SPATS2L: variants seen among roughly 807,000 people sequenced by gnomAD.
SPATS2L encodes the protein SPATS2-like protein.
SPATS2L carries 30 observed loss-of-function variants against 59.6 expected under a neutral mutation model. That is an observed-to-expected ratio of 0.50 (90% CI 0.38 to 0.68). SPATS2L has a LOEUF of 0.68. SPATS2L is among the 30% of genes least tolerant of loss of function. The pLI is 0.00. For synonymous variants in SPATS2L, 252 were observed against 263.5 expected, an observed-to-expected ratio of 0.96 and a Z score of 0.42; for missense variants, 615 against 700.0, an observed-to-expected ratio of 0.88 and a Z score of 1.37.
At chr2:200,442,397 GGT>G (rs1300254240) in intron 8 of SPATS2L, among the ~76,000 whole-genome samples, 2 of 152,148 alleles carry the variant, frequency 1.3e-5, no homozygotes, top group African/African-American at 4.8e-5. Context: ...ATGGCCTTAA[GGT>G]CTCTATGCAG....
intron 10 of SPATS2L, among the ~76,000 whole-genome samples, chr2:200,468,702 C>T (rs1272127319): frequency 2.6e-5 from 4 of 152,206 alleles, no homozygotes; most frequent in Non-Finnish European, 4.4e-5. Context: ...CCTTCAGCCT[C>T]GTACTCCACT....
chr2:200,361,492 A>G (rs530638684), intron 2 of SPATS2L, among the ~76,000 whole-genome samples: 5 of 152,210 alleles, frequency 3.3e-5, no homozygotes, highest in Admixed American at 3.3e-4. Context: ...AGATTTCAAA[A>G]CCTCCCTCAG....
chr2:200,395,079 A>G (rs1248691010), intron 3 of SPATS2L, among the ~76,000 whole-genome samples: 2 of 152,228 alleles, frequency 1.3e-5, no homozygotes, highest in Non-Finnish European at 2.9e-5. Flanking sequence ...GAAATTGAAT[A>G]CTAGAAATTT....
intron 12 of SPATS2L, among the ~76,000 whole-genome samples, chr2:200,475,688 A>C (rs2087461556): frequency 6.6e-6 from 1 of 152,056 alleles, no homozygotes; most frequent in Non-Finnish European, 1.5e-5. Context: ...TTTTCCTTTA[A>C]CAGATGTATG....
At chr2:200,335,397 A>G (rs997802826) in intron 2 of SPATS2L, among the ~76,000 whole-genome samples, 4 of 151,772 alleles carry the variant, frequency 2.6e-5, no homozygotes, top group African/African-American at 9.7e-5. Flanking sequence ...AAGAAAGAAA[A>G]AAAAAAGAAG....
chr2:200,433,415 A>G (rs946173414), intron 6 of SPATS2L, among the ~76,000 whole-genome samples: 5 of 152,130 alleles, frequency 3.3e-5, no homozygotes, highest in African/African-American at 1.2e-4. Context: ...CTGGACCATA[A>G]AATTAGTTTC....
At chr2:200,379,919 C>T (rs1057390192) in intron 2 of SPATS2L, among the ~76,000 whole-genome samples, 1 of 152,150 alleles carries the variant, frequency 6.6e-6, no homozygotes, top group African/African-American at 2.4e-5. Flanking sequence ...CAAGTGGGTA[C>T]TTGCACCAGG....
chr2:200,309,059 G>T, intron 1 of SPATS2L: 1 of 717,996 alleles, frequency 1.4e-6, no homozygotes, highest in Non-Finnish European at 2.6e-6. Flanking sequence ...TTGCATGCCA[G>T]TCTGAAGCAT....
intron 1 of SPATS2L, among the ~76,000 whole-genome samples, chr2:200,328,743 G>A (rs901607307): frequency 3.3e-5 from 5 of 152,194 alleles, no homozygotes; most frequent in Admixed American, 3.3e-4. Flanking sequence ...GAAGTGATGG[G>A]TGACCGAGTG....
At chr2:200,385,009 G>C (rs563923121) in intron 2 of SPATS2L, among the ~76,000 whole-genome samples, 59 of 152,318 alleles carry the variant, frequency 3.9e-4, no homozygotes, top group Non-Finnish European at 6.2e-4. Flanking sequence ...TAATTGGTCT[G>C]TTCCAATAAC....
intron 2 of SPATS2L, among the ~76,000 whole-genome samples, chr2:200,354,123 C>T (rs1255552408): frequency 6.6e-6 from 1 of 152,218 alleles, no homozygotes; most frequent in Non-Finnish European, 1.5e-5. Flanking sequence ...ATCATTAGCT[C>T]AGACCCTGTC....
intron 6 of SPATS2L, among the ~76,000 whole-genome samples, chr2:200,424,922 C>T (rs1476323122): frequency 6.6e-6 from 1 of 152,184 alleles, no homozygotes; most frequent in East Asian, 1.9e-4. Flanking sequence ...ACAGAAGGCT[C>T]CATGCCATGC....
At chr2:200,345,019 C>T (rs560562034) in intron 2 of SPATS2L, among the ~76,000 whole-genome samples, 1 of 152,142 alleles carries the variant, frequency 6.6e-6, no homozygotes, top group South Asian at 2.1e-4. Flanking sequence ...TTTAGATTGT[C>T]TGTTTGCTCT....
rs2087793239 is a variant in SPATS2L, at chr2:200,482,142, A to C, written c.*4111A>C. 1 of 152,016 alleles carries C rather than the reference A, an allele frequency of 6.6e-6. No individual in the cohort carries two copies. The highest frequency in any genetic ancestry group is 1.5e-5 in the Non-Finnish European group (1 of 68,040). The allele number at this position is 152,016 out of a possible 1,614,324, so 9.4% of individuals were successfully genotyped here. ...TTGTGAGAAAATTATGAAGAGTTGC[A>C]AAGTCCCAGTGATTCTCTTGTTACT... On this transcript the variant is annotated 3_prime_UTR_variant, in exon 13 of 13. Transcript: ENST00000409140.
chr2:200,475,232 A>C lies in SPATS2L; in HGVS notation c.1281+2180A>C, dbSNP rs563523856. On this transcript the variant is annotated intron_variant, in intron 12 of 12. Coordinates refer to ENST00000409140, the MANE Select transcript of SPATS2L (RefSeq NM_001100423.2). Reference sequence around the variant, plus strand: ...TTCAGACATATGGTGTGTGAACCCCAAAAATCTGAGACAGGTCTCAGATAA... The same window carrying C: ...TTCAGACATATGGTGTGTGAACCCCCAAAATCTGAGACAGGTCTCAGATAA... Among the ~76,000 whole-genome samples the C allele has an allele frequency of 7.9e-5, 12 of 152,338 alleles. No homozygotes were observed. In the East Asian group the frequency reaches 1.7e-3, roughly 22 times the overall value.
intron 6 of SPATS2L, among the ~76,000 whole-genome samples, chr2:200,430,178 T>C (rs1338681715): frequency 6.6e-6 from 1 of 152,192 alleles, no homozygotes; most frequent in African/African-American, 2.4e-5. Flanking sequence ...TTCATTACCA[T>C]TGTATTTCTG....
chr2:200,466,164 TAAG>T (rs987510154), intron 9 of SPATS2L, among the ~76,000 whole-genome samples: 31 of 152,384 alleles, frequency 2.0e-4, no homozygotes, highest in Non-Finnish European at 1.6e-4. Context: ...TTTTGAGTAA[TAAG>T]AACTCTTAAA....
At position 200,388,457 on chromosome 2, in the gene SPATS2L, A is replaced by C. The variant is rs554264631; in HGVS notation, c.-22-766A>C. 2.6e-5 allele frequency among the ~76,000 whole-genome samples: 4 copies of C among 152,198 alleles called. No individual in the cohort carries two copies. In the East Asian group the frequency reaches 7.7e-4, roughly 29 times the overall value. ...TGTGGTGGTGCATACCTGCAGTTCC[A>C]CCTACTTGGGAGGCTGAGGTGGCAG... On this transcript the variant is annotated intron_variant, in intron 2 of 12. Transcript: ENST00000409140.
At position 200,418,332 on chromosome 2, in the gene SPATS2L, G is replaced by A. The variant is rs867429578; in HGVS notation, c.199-918G>A. Among the ~76,000 whole-genome samples the A allele has an allele frequency of 6.6e-5, 10 of 152,214 alleles. No homozygotes were observed. The South Asian group carries it at 8.3e-4, about 13-fold the overall frequency. On this transcript the variant is annotated intron_variant, in intron 5 of 12. Coordinates refer to ENST00000409140, the MANE Select transcript of SPATS2L (RefSeq NM_001100423.2). ...TTGTGCCTGTAATCTCAGCACTTTG[G>A]GAGGCAGAGGCAAGAGAATCACTTG...
Sources: allele counts gnomAD v4.1 joint callset (sites outside exome capture counted in the v4.1 genomes callset), GRCh38; gene constraint gnomAD v4.1.1; transcripts MANE v1.5; gene names NCBI Gene and HGNC (gene_info 2026-07-23, HGNC 2026-07-21).